The following PRKRA variants were observed in gnomAD, a reference collection of about 807,000 sequenced individuals.
The protein encoded by PRKRA is protein activator of interferon induced protein kinase EIF2AK2.
Under a neutral mutation model 32.4 loss-of-function variants are expected in PRKRA, and 22 were observed. That is an observed-to-expected ratio of 0.68 (90% CI 0.49 to 0.97). PRKRA has a LOEUF of 0.97. Among genes scored for constraint, PRKRA ranks in the 50% least tolerant of loss-of-function variants. PRKRA has a pLI of 0.00. For missense variants in PRKRA, 319 were observed against 375.6 expected (o/e 0.85, Z 1.25); for synonymous variants, 139 against 129.8 (o/e 1.07, Z -0.48).
rs187123342 is a variant in PRKRA at position 178,446,117 on chromosome 2, C to T, written c.317+1388G>A. Among the ~76,000 whole-genome samples the T allele has an allele frequency of 1.5e-3, 222 of 152,014 alleles. 5 individuals are homozygous for T. The South Asian group carries it at 0.022, about 15-fold the overall frequency. On this transcript the variant is annotated intron_variant, in intron 3 of 7. Transcript: ENST00000325748. Reference sequence around the variant, plus strand: ...GCAATCTCCGCCTCCCGGGTTCAAGCGATTTTTGTGCCTCAGCCACCCAAG... The same window carrying T: ...GCAATCTCCGCCTCCCGGGTTCAAGTGATTTTTGTGCCTCAGCCACCCAAG...
chr2:178,448,676 G>C (rs1305404969), intron 2 of PRKRA, among the ~76,000 whole-genome samples: 3 of 152,206 alleles, frequency 2.0e-5, no homozygotes, highest in Non-Finnish European at 4.4e-5. Context: ...CAAGACTGCA[G>C]CTACAATCCA....
At chr2:178,436,712 G>T (rs917556629) in intron 6 of PRKRA, among the ~76,000 whole-genome samples, 28 of 150,774 alleles carry the variant, frequency 1.9e-4, no homozygotes, top group African/African-American at 4.9e-4. Flanking sequence ...CATATCTTTG[G>T]TTTTTTTTGT....
chr2:178,440,546 C>T (rs1697070776), intron 6 of PRKRA, among the ~76,000 whole-genome samples: 1 of 152,214 alleles, frequency 6.6e-6, no homozygotes, highest in Admixed American at 6.5e-5. Flanking sequence ...ATCTGCTCCC[C>T]TCTTGCTATT....
At chr2:178,450,606 G>T in intron 1 of PRKRA, 195 bp from the exon 2 acceptor site, 3 of 1,473,598 alleles carry the variant, frequency 2.0e-6, no homozygotes, top group Admixed American at 2.5e-5. Context: ...AGGAGCAGGC[G>T]GGGTGAGCGA....
Position 178,451,149 on chromosome 2 carries a change from C to A in PRKRA, c.-119G>T. 8.1e-7 allele frequency: 1 copy of A among 1,232,226 alleles called. No individual in the cohort carries two copies. The highest frequency in any genetic ancestry group is 1.1e-6 in the Non-Finnish European group (1 of 903,142). 76.3% of individuals were successfully genotyped at this position (1,232,226 alleles called of 1,614,324 possible). A position where few individuals can be genotyped will look rare whatever the true frequency, so the allele number is the denominator to read the frequency against. ...CCGCCACCTCCTCCGACTCCCCCGC[C>A]TCCTGCTTGCGTTGCTCCAGCGAGG... On this transcript the variant is annotated 5_prime_UTR_variant, in exon 1 of 8. The change creates a new upstream start codon in the 5' untranslated region. Coordinates refer to ENST00000325748, the MANE Select transcript of PRKRA (RefSeq NM_003690.5).
rs576603385 is a variant in PRKRA at position 178,432,089 on chromosome 2, C to T, written c.*8G>A. 1.4e-4 allele frequency: 228 copies of T among 1,614,054 alleles called. No homozygotes were observed. In the South Asian group the frequency reaches 2.4e-3, roughly 17 times the overall value. Reference sequence around the variant, plus strand: ...TGCTACTGAAAGATTTTTTAAGTTGCTCCAGATTTACTTTCTTTCTGCTAT... The same window carrying T: ...TGCTACTGAAAGATTTTTTAAGTTGTTCCAGATTTACTTTCTTTCTGCTAT... On this transcript the variant is annotated 3_prime_UTR_variant, in exon 8 of 8. Coordinates refer to ENST00000325748, the MANE Select transcript of PRKRA (RefSeq NM_003690.5).
Position 178,444,503 on chromosome 2 carries a change from A to ACTTGC in PRKRA, c.318-4_318-3insGCAAG, listed in dbSNP as rs1436278665. The ACTTGC allele has an allele frequency of 1.2e-5, 19 of 1,576,200 alleles. No individual in the cohort carries two copies. The highest frequency in any genetic ancestry group is 1.5e-5 in the Non-Finnish European group (17 of 1,145,634). ...TTAAGGGGTCAGGAACTGCAAAGCT[A>ACTTGC]AATATTTTTTAAAAGTGTTATAAAA... On this transcript the variant is annotated splice_region_variant and splice_polypyrimidine_tract_variant and intron_variant, in intron 3 of 7. Transcript: ENST00000325748.
At chr2:178,438,735 T>C (rs544818341) in intron 6 of PRKRA, 2 of 151,900 alleles carry the variant, frequency 1.3e-5, no homozygotes, top group African/African-American at 4.8e-5. Flanking sequence ...TGGAGTGCAG[T>C]GGCGTGGATC....
intron 2 of PRKRA, 108 bp from the exon 3 acceptor site, chr2:178,447,694 T>C (rs1697374963): frequency 6.2e-6 from 6 of 968,450 alleles, no homozygotes; most frequent in African/African-American, 1.9e-5. Context: ...TACATACACA[T>C]ACTAGGTAAT....
chr2:178,438,653 T>A (rs1468797528), intron 6 of PRKRA, among the ~76,000 whole-genome samples: 1 of 152,034 alleles, frequency 6.6e-6, no homozygotes, highest in Non-Finnish European at 1.5e-5. Flanking sequence ...AATAAACGTG[T>A]ATCAAGGTCC....
intron 6 of PRKRA, 126 bp downstream of exon 6, chr2:178,441,484 C>A: frequency 1.2e-6 from 1 of 818,364 alleles, no homozygotes; most frequent in Non-Finnish European, 2.0e-6. Flanking sequence ...TAGGGTATAA[C>A]TGAATAATGA....
chr2:178,438,845 A>AT (rs1006959159), intron 6 of PRKRA: 3,981 of 146,538 alleles, frequency 0.027, 171 homozygotes, highest in African/African-American at 0.092. Context: ...GGCCCGGCTA[A>AT]TTTTTTTTTT....
intron 1 of PRKRA, 70 bp downstream of exon 1, chr2:178,450,896 C>T: frequency 6.6e-7 from 1 of 1,507,516 alleles, no homozygotes; most frequent in Non-Finnish European, 8.8e-7. Context: ...TCTGGAGGGC[C>T]GGCTCCCCGC....
intron 4 of PRKRA, 136 bp from the exon 5 acceptor site, chr2:178,443,520 A>T: frequency 1.5e-6 from 1 of 663,422 alleles, no homozygotes; most frequent in Non-Finnish European, 2.7e-6. Context: ...AAAAAGAGGG[A>T]AGACCCTCTA....
intron 2 of PRKRA, chr2:178,449,956 A>T: frequency 2.0e-6 from 1 of 501,236 alleles, no homozygotes; most frequent in Non-Finnish European, 3.6e-6. Context: ...TAATTCTAAG[A>T]AGAACCCTAG....
In PRKRA at chr2:178,436,706, T is replaced by A. The variant is rs140305638; in HGVS notation, c.610-387A>T. 5.8e-4 allele frequency among the ~76,000 whole-genome samples: 88 copies of A among 152,132 alleles called. 1 individual carries two copies. The East Asian group carries it at 0.015, about 27-fold the overall frequency. ...ATTAAAATATAGAACAATTTTCATA[T>A]CTTTGGTTTTTTTTGTATTAAATAC... On this transcript the variant is annotated intron_variant, in intron 6 of 7. Coordinates refer to ENST00000325748, the MANE Select transcript of PRKRA (RefSeq NM_003690.5).
At chr2:178,450,153 G>C (rs527432569) in intron 2 of PRKRA, 89 bp downstream of exon 2, 1 of 1,266,994 alleles carries the variant, frequency 7.9e-7, no homozygotes, top group Non-Finnish European at 1.1e-6. Flanking sequence ...CAGCTGTCTG[G>C]CAAAAAGAGA....
Position 178,441,641 on chromosome 2 carries a change from C to A in PRKRA, c.578G>T (p.Ser193Ile), listed in dbSNP as rs758028975. 2.5e-6 allele frequency: 4 copies of A among 1,609,936 alleles called. No individual in the cohort carries two copies. Among genetic ancestry groups the A allele is most frequent in the Non-Finnish European group, 3.4e-6 (4 of 1,176,296 alleles). Residue 193 changes from serine (S) to isoleucine (I), a missense_variant, in exon 6 of 8, where the codon AGT becomes ATT. Transcript: ENST00000325748. Reference protein sequence around the residue: ...NAAEKFLAKFSNISPENHISL... With the variant: ...NAAEKFLAKFINISPENHISL... ...AATGTGGTTCTCTGGAGAAATATTACTAAATTTGGCAAGAAATTTCTCAGC... is the reference window on the plus strand; with the variant it reads ...AATGTGGTTCTCTGGAGAAATATTAATAAATTTGGCAAGAAATTTCTCAGC...
rs1337208701 is a variant in PRKRA, at chr2:178,450,801, C to A, written c.65+165G>T. Reference sequence around the variant, plus strand: ...AGAGGGGCGGGGCCCGGCCGCAGACCCCAACCCTCGCCGCCGAGAGGGCGG... The same window carrying A: ...AGAGGGGCGGGGCCCGGCCGCAGACACCAACCCTCGCCGCCGAGAGGGCGG... On this transcript the variant is annotated intron_variant, in intron 1 of 7. Coordinates refer to ENST00000325748, the MANE Select transcript of PRKRA (RefSeq NM_003690.5). 6.7e-6 allele frequency: 9 copies of A among 1,346,326 alleles called. No homozygotes were observed. In the East Asian group the frequency reaches 2.2e-4, roughly 33 times the overall value. 83.4% of individuals were successfully genotyped at this position (1,346,326 alleles called of 1,614,324 possible).
Sources: gnomAD v4.1 joint callset for allele counts (sites outside exome capture counted in the v4.1 genomes callset) on GRCh38, gnomAD v4.1.1 for gene constraint, MANE v1.5 for transcripts, NCBI Gene and HGNC (gene_info 2026-07-23, HGNC 2026-07-21) for gene names.